Variants in KCNG3 observed in about 807,000 individuals in gnomAD.
The protein encoded by KCNG3 is potassium voltage-gated channel modifier subfamily G member 3.
A neutral mutation model predicts 29.0 loss-of-function variants in KCNG3; 15 were observed. The ratio of observed to expected loss-of-function variants is 0.52; its 90% CI spans 0.35 to 0.80. The LOEUF (loss-of-function observed/expected upper bound fraction) is 0.80, where lower values mean the gene tolerates loss of function less well. KCNG3 is among the 30% of genes least tolerant of loss of function. KCNG3 has a pLI of 0.01. For synonymous variants in KCNG3, 322 were observed against 248.9 expected, an observed-to-expected ratio of 1.29 and a Z score of -2.76; for missense variants, 512 against 605.7, an observed-to-expected ratio of 0.85 and a Z score of 1.62.
intron 1 of KCNG3, among the ~76,000 whole-genome samples, chr2:42,447,714 T>G (rs1672637458): frequency 6.6e-6 from 1 of 151,972 alleles, no homozygotes; most frequent in South Asian, 2.1e-4. Context: ...TTTTTATACT[T>G]TTTATAAAGA....
At chr2:42,432,934 T>TAAAAAAAAAAAAAAAAAA in the KCNG3 span, among the ~76,000 whole-genome samples, 3 of 132,762 alleles carry the variant, frequency 2.3e-5, no homozygotes, top group Non-Finnish European at 4.9e-5. Context: ...GCTTTTATGA[T>TAAAAAAAAAAAAAAAAAA]AAAAAAAAAA....
At chr2:42,469,150 G>A (rs905146974) in intron 1 of KCNG3, among the ~76,000 whole-genome samples, 42 of 151,962 alleles carry the variant, frequency 2.8e-4, no homozygotes, top group African/African-American at 8.7e-4. Context: ...CGGGCGCAGT[G>A]GCTCACACTT....
chr2:42,457,565 G>A (rs887621758), intron 1 of KCNG3, among the ~76,000 whole-genome samples: 1 of 150,802 alleles, frequency 6.6e-6, no homozygotes, highest in African/African-American at 2.4e-5. Context: ...TTACAAGGCT[G>A]GCCAGGCACG....
At position 42,444,292 on chromosome 2, in the gene KCNG3, C is replaced by T. The variant is rs1385455715; in HGVS notation, c.953G>A (p.Arg318His). 1.9e-6 allele frequency: 3 copies of T among 1,614,180 alleles called. No individual in the cohort carries two copies. The highest frequency in any genetic ancestry group is 1.1e-5 in the South Asian group (1 of 91,078). The change falls in exon 2 of 2, where the codon CGT becomes CAT. Residue 318 changes from arginine (R) to histidine (H), a missense_variant. Arg to His is a conservative substitution (Grantham distance 29). Transcript: ENST00000306078. This position sits in a 1 kb window ranked among gnomAD's most constrained non-coding sequence, Gnocchi z 5.8. ...GLQTLGLTLKRCYREMVMLLV... is the reference protein window; with the variant it reads ...GLQTLGLTLKHCYREMVMLLV... ...TAACATAACCATCTCTCGGTAGCAACGTTTGAGAGTCAAACCGAGTGTCTG... is the reference window on the plus strand; with the variant it reads ...TAACATAACCATCTCTCGGTAGCAATGTTTGAGAGTCAAACCGAGTGTCTG...
the KCNG3 span, among the ~76,000 whole-genome samples, chr2:42,427,536 G>A: frequency 2.0e-5 from 3 of 151,952 alleles, no homozygotes; most frequent in African/African-American, 4.8e-5. Context: ...AGCCCAGGAG[G>A]TTGAGGCTGC....
At chr2:42,457,810 T>A (rs1672917030) in intron 1 of KCNG3, among the ~76,000 whole-genome samples, 1 of 150,836 alleles carries the variant, frequency 6.6e-6, no homozygotes, top group African/African-American at 2.4e-5. Context: ...AGTAAGACCC[T>A]ATCTCTAAAA....
intron 1 of KCNG3, among the ~76,000 whole-genome samples, chr2:42,480,041 C>G (rs1356405745): frequency 6.6e-6 from 1 of 152,130 alleles, no homozygotes; most frequent in Non-Finnish European, 1.5e-5. Context: ...AACAAACAAA[C>G]AAAAACACAC....
intron 1 of KCNG3, among the ~76,000 whole-genome samples, chr2:42,452,238 T>C (rs1388463768): frequency 1.4e-5 from 1 of 69,706 alleles, no homozygotes; most frequent in Non-Finnish European, 2.8e-5. Flanking sequence ...TATATATATA[T>C]ATATATTTTT....
chr2:42,449,517 T>C (rs1672695250), intron 1 of KCNG3, among the ~76,000 whole-genome samples: 1 of 72,876 alleles, frequency 1.4e-5, no homozygotes, highest in East Asian at 3.0e-4. Context: ...GAGATTTCTT[T>C]TTTTTTTTTT....
At position 42,471,184 on chromosome 2, in the gene KCNG3, G is replaced by GTA. The variant is rs111230198; in HGVS notation, c.665+21651_665+21652dup. 9.3e-3 allele frequency among the ~76,000 whole-genome samples: 1,374 copies of GTA among 147,936 alleles called. 30 individuals are homozygous for GTA. Among genetic ancestry groups the GTA allele is most frequent in the African/African-American group, 0.032 (1,272 of 39,350 alleles). ...TGTGTGTGTGTGTGTGTGTGTGTGT[G>GTA]TATATATATATATATATTCACACAA... On this transcript the variant is annotated intron_variant, in intron 1 of 1. Coordinates refer to ENST00000306078, the MANE Select transcript of KCNG3 (RefSeq NM_133329.6).
intron 1 of KCNG3, among the ~76,000 whole-genome samples, chr2:42,460,062 G>C (rs926003216): frequency 6.6e-6 from 1 of 151,930 alleles, no homozygotes; most frequent in African/African-American, 2.4e-5. Flanking sequence ...GCAACTTCTT[G>C]CAAGTATAAA....
At chr2:42,388,946 C>T in the KCNG3 span, among the ~76,000 whole-genome samples, 5 of 152,198 alleles carry the variant, frequency 3.3e-5, no homozygotes, top group Non-Finnish European at 7.4e-5. Flanking sequence ...GAGAGGGAGT[C>T]TCGCCCTGTC....
intron 1 of KCNG3, among the ~76,000 whole-genome samples, chr2:42,469,001 T>A (rs969115063): frequency 7.2e-6 from 1 of 138,686 alleles, no homozygotes. Flanking sequence ...CCTAAATCCA[T>A]AAATTTAATG....
rs534464122 is a variant in KCNG3, at chr2:42,470,596, C to G, written c.665+22241G>C. Among the ~76,000 whole-genome samples the G allele has an allele frequency of 2.0e-5, 3 of 152,298 alleles. No homozygotes were observed. The East Asian group carries it at 5.8e-4, about 29-fold the overall frequency. ...CATTTAGAAAAAGAAAAGTCAGGATCAAGCACGGTGGCTCACAACTGTAAT... is the reference window on the plus strand; with the variant it reads ...CATTTAGAAAAAGAAAAGTCAGGATGAAGCACGGTGGCTCACAACTGTAAT... On this transcript the variant is annotated intron_variant, in intron 1 of 1. Coordinates refer to ENST00000306078, the MANE Select transcript of KCNG3 (RefSeq NM_133329.6).
the KCNG3 span, among the ~76,000 whole-genome samples, chr2:42,428,944 C>A: frequency 6.6e-6 from 1 of 152,090 alleles, no homozygotes; most frequent in African/African-American, 2.4e-5. Context: ...CATGGTGAAG[C>A]CCCATCTCTA....
intron 1 of KCNG3, among the ~76,000 whole-genome samples, chr2:42,478,982 G>A (rs1211267518): frequency 7.3e-6 from 1 of 136,908 alleles, no homozygotes; most frequent in African/African-American, 2.7e-5. Flanking sequence ...TTTGGATTTT[G>A]GAGTATTTGC....
At chr2:42,458,187 A>C (rs902830473) in intron 1 of KCNG3, among the ~76,000 whole-genome samples, 1 of 152,036 alleles carries the variant, frequency 6.6e-6, no homozygotes, top group Non-Finnish European at 1.5e-5. Context: ...TGAAAAGTTC[A>C]CTCTCTCAAA....
chr2:42,459,219 G>T (rs1451391891), intron 1 of KCNG3, among the ~76,000 whole-genome samples: 1 of 149,548 alleles, frequency 6.7e-6, no homozygotes, highest in African/African-American at 2.5e-5. Context: ...AAAAAATAGA[G>T]AGAGTGAGAA....
downstream of KCNG3, among the ~76,000 whole-genome samples, chr2:42,439,709 C>A (rs559566997): frequency 6.6e-6 from 1 of 151,420 alleles, no homozygotes; most frequent in Non-Finnish European, 1.5e-5. Flanking sequence ...TGCAAAGGCG[C>A]GATCTCGGCT....
Sources: allele counts gnomAD v4.1 joint callset (sites outside exome capture counted in the v4.1 genomes callset), GRCh38; gene constraint gnomAD v4.1.1; non-coding constraint Gnocchi (gnomAD v3.1); transcripts MANE v1.5; gene names NCBI Gene and HGNC (gene_info 2026-07-23, HGNC 2026-07-21).